The following KCNIP4 variants were observed in gnomAD, a reference collection of about 807,000 sequenced individuals.
The protein encoded by KCNIP4 is potassium voltage-gated channel interacting protein 4, also known as Kv channel-interacting protein 4.
In KCNIP4, 12 loss-of-function variants were observed where a neutral mutation model predicts 34.0. The ratio of observed to expected loss-of-function variants is 0.35; its 90% CI spans 0.23 to 0.57. The LOEUF (loss-of-function observed/expected upper bound fraction) is 0.57, where lower values mean the gene tolerates loss of function less well. Ranked by LOEUF, KCNIP4 falls within the 20% of genes least tolerant of loss-of-function variation. KCNIP4 has a pLI of 0.83. For synonymous variants in KCNIP4, 124 were observed against 102.2 expected (o/e 1.21, Z -1.29); for missense variants, 238 against 311.7 (o/e 0.76, Z 1.78).
At chr4:21,538,330 AAC>A (rs1277790896) in intron 1 of KCNIP4, among the ~76,000 whole-genome samples, 1 of 152,160 alleles carries the variant, frequency 6.6e-6, no homozygotes, top group African/African-American at 2.4e-5. Context: ...CTAGGAAACT[AAC>A]ACACCATCCA....
chr4:21,115,521 G>T (rs886442684), intron 1 of KCNIP4, among the ~76,000 whole-genome samples: 1 of 152,088 alleles, frequency 6.6e-6, no homozygotes. Flanking sequence ...CTTCAAAACA[G>T]TACAAAAGGG....
intron 3 of KCNIP4, among the ~76,000 whole-genome samples, chr4:20,811,581 G>C (rs1183637177): frequency 2.0e-5 from 3 of 152,076 alleles, no homozygotes; most frequent in Admixed American, 1.3e-4. Flanking sequence ...AATGGGTTTG[G>C]GTTACTTTGT....
chr4:21,237,923 C>CA (rs1393165627), intron 1 of KCNIP4, among the ~76,000 whole-genome samples: 5 of 152,076 alleles, frequency 3.3e-5, no homozygotes, highest in African/African-American at 9.6e-5. Context: ...AGAGATACAA[C>CA]AAAAAAATAG....
Position 21,548,529 on chromosome 4 carries a change from A to G in KCNIP4, c.61+400042T>C, listed in dbSNP as rs371442752. ...ATAAAATGTATCTGCAAATATGTCT[A>G]TAATGACTGCTGATCATAAGATTTC... On this transcript the variant is annotated intron_variant, in intron 1 of 8. Transcript: ENST00000382152. 3.9e-5 allele frequency among the ~76,000 whole-genome samples: 6 copies of G among 151,984 alleles called. No homozygotes were observed. In the South Asian group the frequency reaches 1.2e-3, roughly 32 times the overall value.
At chr4:21,631,381 T>C (rs552079911) in intron 1 of KCNIP4, among the ~76,000 whole-genome samples, 95 of 152,312 alleles carry the variant, frequency 6.2e-4, no homozygotes, top group Admixed American at 1.8e-3. Context: ...ATGGTAGTTA[T>C]GTAAACATTA....
intron 1 of KCNIP4, among the ~76,000 whole-genome samples, chr4:21,495,064 G>A (rs1339545489): frequency 6.6e-6 from 1 of 152,042 alleles, no homozygotes; most frequent in Non-Finnish European, 1.5e-5. Flanking sequence ...ATTTTTAAAA[G>A]CATCATGTGT....
chr4:21,447,890 A>C (rs992825001), intron 1 of KCNIP4, among the ~76,000 whole-genome samples: 1 of 152,112 alleles, frequency 6.6e-6, no homozygotes, highest in Non-Finnish European at 1.5e-5. Context: ...ATGGAGTGGG[A>C]TTGCACAAGA....
chr4:21,175,225 C>T (rs984537104), intron 1 of KCNIP4, among the ~76,000 whole-genome samples: 8 of 151,950 alleles, frequency 5.3e-5, no homozygotes, highest in African/African-American at 1.9e-4. Context: ...TCCTTGAAGT[C>T]ATAGAAGAAA....
At chr4:21,808,312 A>C (rs1380650115) in intron 1 of KCNIP4, among the ~76,000 whole-genome samples, 2 of 152,126 alleles carry the variant, frequency 1.3e-5, no homozygotes, top group Non-Finnish European at 2.9e-5. Context: ...CACACCTTAG[A>C]TAGGAAGACC....
At chr4:21,519,528 A>ATGTGTATATATACACATATGTGTGTG (rs1735188541) in intron 1 of KCNIP4, among the ~76,000 whole-genome samples, 2 of 58,912 alleles carry the variant, frequency 3.4e-5, no homozygotes, top group Non-Finnish European at 3.4e-5. Context: ...ATATGTGTGT[A>ATGTGTATATATACACATATGTGTGTG]TGTGTATGTG....
At chr4:21,658,438 C>T (rs1748149827) in intron 1 of KCNIP4, among the ~76,000 whole-genome samples, 1 of 152,094 alleles carries the variant, frequency 6.6e-6, no homozygotes, top group African/African-American at 2.4e-5. Context: ...TTTTTTGAGA[C>T]TGAGTCTCAC....
chr4:21,144,900 C>G (rs1336055841), intron 1 of KCNIP4, among the ~76,000 whole-genome samples: 4 of 151,940 alleles, frequency 2.6e-5, no homozygotes, highest in African/African-American at 9.7e-5. Flanking sequence ...ACACTAATAG[C>G]AGCTCAAATA....
intron 3 of KCNIP4, among the ~76,000 whole-genome samples, chr4:20,798,192 C>CGTGT (rs1713729286): frequency 6.6e-6 from 1 of 152,214 alleles, no homozygotes; most frequent in Admixed American, 6.5e-5. Context: ...ACCTTAAAGA[C>CGTGT]TATGTTATCA....
intron 1 of KCNIP4, among the ~76,000 whole-genome samples, chr4:21,509,337 A>C (rs1734110876): frequency 6.6e-6 from 1 of 152,144 alleles, no homozygotes; most frequent in South Asian, 2.1e-4. Flanking sequence ...GAACCTTAGA[A>C]AGATTAAGTT....
chr4:21,762,892 G>C (rs1377455140), intron 1 of KCNIP4: 3 of 1,276,622 alleles, frequency 2.3e-6, no homozygotes, highest in Non-Finnish European at 3.1e-6. Context: ...GGGGGGTGTA[G>C]GTGGATGGAA....
At chr4:21,484,614 T>C (rs1023986971) in intron 1 of KCNIP4, among the ~76,000 whole-genome samples, 5 of 152,138 alleles carry the variant, frequency 3.3e-5, no homozygotes, top group African/African-American at 1.2e-4. Flanking sequence ...TCGGGGGTCA[T>C]TCCCGCAGCC....
At chr4:21,536,650 G>C (rs1028656151) in intron 1 of KCNIP4, among the ~76,000 whole-genome samples, 1 of 151,928 alleles carries the variant, frequency 6.6e-6, no homozygotes. Flanking sequence ...GTGTGGTGGT[G>C]CGTATCTGTA....
chr4:21,415,235 C>T (rs1466212236), intron 1 of KCNIP4, among the ~76,000 whole-genome samples: 4 of 151,744 alleles, frequency 2.6e-5, no homozygotes, highest in African/African-American at 9.7e-5. Context: ...TATGTGGGTA[C>T]CTAGAGTAAT....
intron 1 of KCNIP4, among the ~76,000 whole-genome samples, chr4:21,824,079 A>G (rs904662417): frequency 1.1e-4 from 17 of 152,192 alleles, no homozygotes; most frequent in African/African-American, 4.1e-4. Context: ...CTAGCCTGCC[A>G]GTGAAACAAC....
Sources: allele counts gnomAD v4.1 joint callset (sites outside exome capture counted in the v4.1 genomes callset), GRCh38; gene constraint gnomAD v4.1.1; transcripts MANE v1.5; gene names NCBI Gene and HGNC (gene_info 2026-07-23, HGNC 2026-07-21).